Variants in SORBS2 observed in about 807,000 individuals in gnomAD.
SORBS2 encodes sorbin and SH3 domain containing 2.
A neutral mutation model predicts 97.7 loss-of-function variants in SORBS2; 46 were observed. The ratio of observed to expected loss-of-function variants is 0.47; its 90% CI spans 0.37 to 0.60. The LOEUF (loss-of-function observed/expected upper bound fraction) is 0.60. Among genes scored for constraint, SORBS2 ranks in the 20% least tolerant of loss-of-function variants. The pLI is 0.00. For synonymous variants in SORBS2, 476 were observed against 473.4 expected, an observed-to-expected ratio of 1.01 and a Z score of -0.07; for missense variants, 1,316 against 1,282.3, an observed-to-expected ratio of 1.03 and a Z score of -0.40.
At chr4:185,614,036 T>C (rs760556568) in intron 11 of SORBS2, among the ~76,000 whole-genome samples, 26 of 152,174 alleles carry the variant, frequency 1.7e-4, no homozygotes, top group Non-Finnish European at 3.2e-4. Context: ...GCCTGTGTTG[T>C]GTGCAGAGGC....
chr4:185,683,744 G>A (rs776599692), intron 2 of SORBS2, among the ~76,000 whole-genome samples: 1 of 152,046 alleles, frequency 6.6e-6, no homozygotes, highest in African/African-American at 2.4e-5. Flanking sequence ...GATTAGAGGT[G>A]GTGAACGGAA....
At chr4:185,789,491 T>C (rs2099070842) in intron 1 of SORBS2, among the ~76,000 whole-genome samples, 1 of 150,914 alleles carries the variant, frequency 6.6e-6, no homozygotes. Flanking sequence ...TAATATATAA[T>C]TGTGTATTAG....
intron 4 of SORBS2, chr4:185,677,507 T>C (rs897909218): frequency 2.3e-5 from 35 of 1,551,538 alleles, no homozygotes; most frequent in Non-Finnish European, 2.9e-5. Flanking sequence ...GAAGAGGTTT[T>C]TTGTTAGCAA....
At chr4:185,658,392 T>G (rs955533495), upstream of SORBS2, among the ~76,000 whole-genome samples, 1 of 125,652 alleles carries the variant, frequency 8.0e-6, no homozygotes, top group Admixed American at 9.0e-5. Context: ...ATAGTCCATT[T>G]ACTTCTAATA....
At chr4:185,837,076 T>C (rs1352496946) in intron 1 of SORBS2, among the ~76,000 whole-genome samples, 1 of 152,222 alleles carries the variant, frequency 6.6e-6, no homozygotes, top group Non-Finnish European at 1.5e-5. Context: ...ATTCACATTA[T>C]ACCTCTTGCC....
intron 2 of SORBS2, among the ~76,000 whole-genome samples, chr4:185,741,490 A>G (rs1466059047): frequency 8.0e-6 from 1 of 124,474 alleles, no homozygotes; most frequent in African/African-American, 3.2e-5. Flanking sequence ...TGCAACCTCC[A>G]CCTCCCAGGT....
intron 4 of SORBS2, among the ~76,000 whole-genome samples, chr4:185,634,655 C>T (rs1690460260): frequency 6.6e-6 from 1 of 152,066 alleles, no homozygotes; most frequent in Non-Finnish European, 1.5e-5. Context: ...AACTCTGATT[C>T]AAATAAAAAT....
intron 9 of SORBS2, 45 bp downstream of exon 21, chr4:185,618,540 T>C (rs370620659): frequency 3.4e-6 from 4 of 1,188,656 alleles, no homozygotes; most frequent in East Asian, 4.9e-5. Context: ...ATTACTAACA[T>C]TTAAAACCAC....
rs1485824586 is a variant in SORBS2 at position 185,589,531 on chromosome 4, T to TG, written c.2953+147dup. On this transcript the variant is annotated intron_variant, in intron 14 of 14. Coordinates refer to ENST00000418609, the Ensembl canonical transcript of SORBS2. ...AACTATATTAAAAATGCAATAGCCT[T>TG]GGGATTACATTGTGCATATGAATGT... The TG allele has an allele frequency of 6.5e-6, 4 of 610,726 alleles. No homozygotes were observed. The African/African-American group carries it at 7.4e-5, about 11-fold the overall frequency. The allele number at this position is 610,726 out of a possible 1,614,324, so 37.8% of individuals were successfully genotyped here.
intron 2 of SORBS2, chr4:185,772,210 G>A (rs1438521525): frequency 2.6e-5 from 4 of 151,964 alleles, no homozygotes; most frequent in Non-Finnish European, 5.9e-5. Context: ...CTTCCCAACC[G>A]GGGACCATCT....
chr4:185,899,641 C>G (rs986309026), intron 1 of SORBS2, among the ~76,000 whole-genome samples: 1 of 152,024 alleles, frequency 6.6e-6, no homozygotes, highest in African/African-American at 2.4e-5. Flanking sequence ...CTCCCAGAGC[C>G]AAGATTGTCT....
chr4:185,717,871 C>G (rs192828007), intron 2 of SORBS2, among the ~76,000 whole-genome samples: 11 of 152,316 alleles, frequency 7.2e-5, no homozygotes, highest in Admixed American at 5.9e-4. Context: ...CTCTCTGTGC[C>G]TTGGTTTCTA....
intron 1 of SORBS2, among the ~76,000 whole-genome samples, chr4:185,822,766 C>T (rs1392351528): frequency 6.6e-6 from 1 of 152,202 alleles, no homozygotes; most frequent in Non-Finnish European, 1.5e-5. Context: ...GGAGATCCTG[C>T]AAACCATGCC....
At chr4:185,935,664 G>A (rs1323021171) in intron 1 of SORBS2, among the ~76,000 whole-genome samples, 2 of 152,118 alleles carry the variant, frequency 1.3e-5, no homozygotes, top group Non-Finnish European at 2.9e-5. Context: ...CCAATTTGAA[G>A]CTGTCCAGTT....
chr4:185,767,583 A>C (rs2098944110), intron 2 of SORBS2, among the ~76,000 whole-genome samples: 2 of 152,050 alleles, frequency 1.3e-5, no homozygotes, highest in South Asian at 2.1e-4. Context: ...TTCATCTCTG[A>C]TAATACTGAG....
chr4:185,744,256 T>G (rs2098746724), intron 2 of SORBS2, among the ~76,000 whole-genome samples: 1 of 152,136 alleles, frequency 6.6e-6, no homozygotes, highest in Admixed American at 6.5e-5. Flanking sequence ...GGCTGGTGGT[T>G]TTGAAACAAT....
At chr4:185,809,522 A>T (rs1462826497) in intron 1 of SORBS2, among the ~76,000 whole-genome samples, 1 of 147,370 alleles carries the variant, frequency 6.8e-6, no homozygotes, top group Non-Finnish European at 1.5e-5. Context: ...AATATTTGAT[A>T]TTGCCAGCAG....
chr4:185,645,977 C>T (rs1346271382), intron 4 of SORBS2: 1 of 152,008 alleles, frequency 6.6e-6, no homozygotes, highest in East Asian at 1.9e-4. Flanking sequence ...TTTTTGTTTG[C>T]ATATAATTAA....
rs2153516366 is a variant in SORBS2, at chr4:185,689,429, G to A, written c.-197-10607C>T. Among the ~76,000 whole-genome samples the A allele has an allele frequency of 2.0e-5, 3 of 152,260 alleles. 1 individual carries two copies. The South Asian group carries it at 6.2e-4, about 32-fold the overall frequency. The stretch of plus-strand genomic sequence containing the variant: ...TAATATTTTCTACTTCATTCCCCAT[G>A]TCTACTTCTGACATCTCCAATCATC... On this transcript the variant is annotated intron_variant, in intron 2 of 20. Transcript: ENST00000284776.
Sources: allele counts gnomAD v4.1 joint callset (sites outside exome capture counted in the v4.1 genomes callset), GRCh38; gene constraint gnomAD v4.1.1; transcripts MANE v1.5; gene names NCBI Gene and HGNC (gene_info 2026-07-23, HGNC 2026-07-21).